Variants in RTTN observed in about 807,000 individuals in gnomAD.
The protein encoded by RTTN is rotatin.
RTTN carries 182 observed loss-of-function variants against 269.2 expected under a neutral mutation model. The observed-to-expected ratio is 0.68, with a 90% CI of 0.60 to 0.76. The LOEUF (loss-of-function observed/expected upper bound fraction) is 0.76. Among genes scored for constraint, RTTN ranks in the 30% least tolerant of loss-of-function variants. The pLI is 0.00. For missense variants in RTTN, 2,545 were observed against 2,608.6 expected (o/e 0.98, Z 0.53); for synonymous variants, 1,006 against 963.5 (o/e 1.04, Z -0.82).
At chr18:70,007,198 CTG>C (rs1347977135) in intron 46 of RTTN, 2 of 152,354 alleles carry the variant, frequency 1.3e-5, no homozygotes, top group South Asian at 4.1e-4. Context: ...CTCTGAGAAA[CTG>C]TGCCCTGAGG....
At chr18:70,022,601 T>A (rs535764470) in intron 44 of RTTN, among the ~76,000 whole-genome samples, 91 of 152,268 alleles carry the variant, frequency 6.0e-4, no homozygotes, top group Non-Finnish European at 9.7e-4. Flanking sequence ...TACTTCTTCA[T>A]CTTCTCTCCT....
At chr18:70,129,500 A>G (rs1002178422) in intron 23 of RTTN, 8 of 151,986 alleles carry the variant, frequency 5.3e-5, no homozygotes, top group African/African-American at 1.9e-4. Context: ...ATTTTCAACA[A>G]AAGCACCGAG....
intron 46 of RTTN, among the ~76,000 whole-genome samples, chr18:70,012,972 C>G (rs2056434892): frequency 6.6e-6 from 1 of 152,122 alleles, no homozygotes. Context: ...ACAAAAAAAG[C>G]TGCTCCCTAA....
In RTTN at chr18:70,075,338, G is replaced by C; in HGVS notation, c.4564+14C>G. On this transcript the variant is annotated intron_variant, in intron 33 of 48. Transcript: ENST00000640769. ...CATATTACAAAAATAAAAATACAAA[G>C]ATATCGTACTTACCATTTAAATCAT... 4 of 1,498,192 alleles carry C rather than the reference G, an allele frequency of 2.7e-6. No homozygotes were observed. The South Asian group carries it at 5.2e-5, about 20-fold the overall frequency. 92.8% of individuals were successfully genotyped at this position (1,498,192 alleles called of 1,614,324 possible).
rs2056104109 is a variant in RTTN, at chr18:70,004,032, G to A, written c.*119C>T. 1.4e-6 allele frequency: 1 copy of A among 690,166 alleles called. No individual in the cohort carries two copies. Among genetic ancestry groups the A allele is most frequent in the Admixed American group, 2.2e-5 (1 of 45,104 alleles). 42.8% of individuals were successfully genotyped at this position (690,166 alleles called of 1,614,324 possible). On this transcript the variant is annotated 3_prime_UTR_variant, in exon 49 of 49. Transcript: ENST00000640769. ...TTCTCTCTCTCATGGGAAAGAAGGG[G>A]ATCAACACTTTGTAGAGAGGTAGCA... is the stretch of plus-strand genomic sequence containing the variant.
chr18:70,068,605 A>T (rs1051529278), intron 34 of RTTN, among the ~76,000 whole-genome samples: 5 of 152,220 alleles, frequency 3.3e-5, no homozygotes, highest in Non-Finnish European at 7.3e-5. Context: ...GAATTGGCTT[A>T]GTTTAAGAGC....
At chr18:70,031,884 T>C (rs908125514) in intron 40 of RTTN, among the ~76,000 whole-genome samples, 3 of 151,972 alleles carry the variant, frequency 2.0e-5, no homozygotes, top group Non-Finnish European at 4.4e-5. Flanking sequence ...GCACCACAAC[T>C]TGTTCCTGGC....
At chr18:70,012,176 G>A (rs992006154) in intron 46 of RTTN, among the ~76,000 whole-genome samples, 3 of 150,066 alleles carry the variant, frequency 2.0e-5, no homozygotes, top group Middle Eastern at 3.6e-3. Flanking sequence ...ATTGGTTAGA[G>A]GGCAGGGTCT....
At chr18:70,025,718 G>A (rs2056835099) in intron 43 of RTTN, among the ~76,000 whole-genome samples, 1 of 152,180 alleles carries the variant, frequency 6.6e-6, no homozygotes, top group East Asian at 1.9e-4. Context: ...AGACAGAAAC[G>A]ATTAAGTACA....
intron 14 of RTTN, among the ~76,000 whole-genome samples, chr18:70,156,867 G>A (rs1418844161): frequency 6.6e-6 from 1 of 152,170 alleles, no homozygotes; most frequent in Admixed American, 6.5e-5. Flanking sequence ...AGTAGAAAGA[G>A]CAGGGCTATC....
Position 70,088,114 on chromosome 18 carries a change from G to A in RTTN, c.4177C>T (p.Leu1393=), listed in dbSNP as rs751870521. The part of the protein sequence containing the change: ...RFTSLGLGSA[L]TTLETGCVAL... ...ACACAGCCCGTTTCAAGGGTGGTCA[G>A]TGCTGATCCTAATCCCAGTGAAGTG... Residue 1393 remains leucine, a synonymous_variant, in exon 31 of 49, where the codon CTG becomes TTG. Transcript: ENST00000640769. 2 of 1,613,620 alleles carry A rather than the reference G, an allele frequency of 1.2e-6. No homozygotes were observed. Among genetic ancestry groups the A allele is most frequent in the Non-Finnish European group, 1.7e-6 (2 of 1,179,850 alleles).
intron 40 of RTTN, among the ~76,000 whole-genome samples, chr18:70,033,374 C>G (rs2057075982): frequency 6.6e-6 from 1 of 152,190 alleles, no homozygotes; most frequent in Admixed American, 6.5e-5. Context: ...ATACCATCCA[C>G]ACTCTCAGAC....
At chr18:70,084,768 TTTTTTA>T (rs2058659958) in intron 32 of RTTN, among the ~76,000 whole-genome samples, 1 of 152,160 alleles carries the variant, frequency 6.6e-6, no homozygotes, top group Non-Finnish European at 1.5e-5. Context: ...CTCTCCAACT[TTTTTTA>T]TTTTGGCCAA....
intron 46 of RTTN, chr18:70,007,031 TG>T (rs1434204153): frequency 6.6e-6 from 1 of 152,266 alleles, no homozygotes; most frequent in East Asian, 1.9e-4. Flanking sequence ...AGAAGGCGGG[TG>T]ATTTCTGCAT....
intron 36 of RTTN, among the ~76,000 whole-genome samples, chr18:70,059,199 G>T (rs1053463969): frequency 1.3e-5 from 2 of 152,138 alleles, no homozygotes; most frequent in Non-Finnish European, 2.9e-5. Context: ...ACAGTAGGGA[G>T]TAATTTCCCA....
chr18:70,075,365 G>A lies in RTTN; in HGVS notation c.4551C>T (p.Ser1517=), dbSNP rs776129548. The A allele has an allele frequency of 6.3e-7, 1 of 1,575,526 alleles. No individual in the cohort carries two copies. The highest frequency in any genetic ancestry group is 1.9e-5 in the Admixed American group (1 of 53,326). ...TATCGTACTTACCATTTAAATCATT[G>A]CTTTCTGAATTTCTATCAAAAGCAG... The part of the protein sequence containing the change: ...NFSAFDRNSE[S]NDLNGLDDSF... Residue 1517 remains serine (S), a synonymous_variant, in exon 33 of 49, where the codon AGC becomes AGT. Coordinates refer to ENST00000640769, the MANE Select transcript of RTTN (RefSeq NM_173630.4).
chr18:70,174,265 A>T (rs906863526), intron 11 of RTTN, among the ~76,000 whole-genome samples: 17 of 152,190 alleles, frequency 1.1e-4, no homozygotes, highest in African/African-American at 4.1e-4. Flanking sequence ...AGAAACTGTA[A>T]TTGGCAAACA....
intron 9 of RTTN, 79 bp from the exon 10 acceptor site, chr18:70,188,302 A>T (rs556866511): frequency 1.3e-6 from 1 of 757,940 alleles, no homozygotes; most frequent in East Asian, 2.5e-5. Context: ...CATATTGCTC[A>T]ATTTTCTAGT....
chr18:70,059,598 T>A (rs1474679624), intron 36 of RTTN, among the ~76,000 whole-genome samples: 1 of 152,160 alleles, frequency 6.6e-6, no homozygotes, highest in Non-Finnish European at 1.5e-5. Flanking sequence ...TTAGAATCCA[T>A]GAATTTTAGA....
Sources: allele counts gnomAD v4.1 joint callset (sites outside exome capture counted in the v4.1 genomes callset), GRCh38; gene constraint gnomAD v4.1.1; transcripts MANE v1.5; gene names NCBI Gene and HGNC (gene_info 2026-07-23, HGNC 2026-07-21).